Variants in EFR3A observed in about 807,000 individuals in gnomAD.
EFR3A encodes the protein EFR3 homolog A.
Under a neutral mutation model 104.4 loss-of-function variants are expected in EFR3A, and 76 were observed. That is an observed-to-expected ratio of 0.73 (90% confidence interval 0.60 to 0.88). The LOEUF is 0.88. Among genes scored for constraint, EFR3A ranks in the 40% least tolerant of loss-of-function variants. The pLI is 0.00. For missense variants in EFR3A, 985 were observed against 1,012.5 expected (o/e 0.97, Z 0.37); for synonymous variants, 330 against 330.0 (o/e 1.00, Z 0.00).
intron 1 of EFR3A, among the ~76,000 whole-genome samples, chr8:131,915,090 A>C (rs886650365): frequency 6.6e-6 from 1 of 152,008 alleles, no homozygotes; most frequent in African/African-American, 2.4e-5. Context: ...TGTCTTTGCT[A>C]TTGTGAATAG....
intron 1 of EFR3A, among the ~76,000 whole-genome samples, chr8:131,938,539 C>CA (rs1294553153): frequency 6.6e-6 from 1 of 151,908 alleles, no homozygotes; most frequent in Admixed American, 6.6e-5. Context: ...AGTAAGTGGT[C>CA]AAAAAGGTAT....
At chr8:131,922,278 G>T (rs1033356100) in intron 1 of EFR3A, among the ~76,000 whole-genome samples, 2 of 151,920 alleles carry the variant, frequency 1.3e-5, no homozygotes, top group African/African-American at 4.8e-5. Flanking sequence ...ACCCCATTTC[G>T]AAATAAAGTC....
chr8:131,978,919 C>A lies in EFR3A; in HGVS notation c.1399C>A (p.Pro467Thr). 1 of 1,612,952 alleles carries A rather than the reference C, an allele frequency of 6.2e-7. No individual in the cohort carries two copies. The highest frequency in any genetic ancestry group is 8.5e-7 in the Non-Finnish European group (1 of 1,179,240). Residue 467 changes from proline (P) to threonine (T), a missense_variant, in exon 13 of 23, where the codon CCA (proline) becomes ACA (threonine). Transcript: ENST00000254624. ...PGSFLDPLLSPSLMEDYELRQ... is the reference protein window; with the variant it reads ...PGSFLDPLLSTSLMEDYELRQ... ...GTCTTTCCTGGATCCTTTGTTATCACCATCTCTCATGGAGGACTACGAACT... is the reference window on the plus strand; with the variant it reads ...GTCTTTCCTGGATCCTTTGTTATCAACATCTCTCATGGAGGACTACGAACT...
chr8:131,945,576 G>C (rs1009576105), intron 3 of EFR3A, among the ~76,000 whole-genome samples: 1 of 151,964 alleles, frequency 6.6e-6, no homozygotes, highest in Non-Finnish European at 1.5e-5. Context: ...GGCACACATA[G>C]CTTTATGGTT....
At chr8:131,969,935 G>A (rs1409661188) in intron 9 of EFR3A, among the ~76,000 whole-genome samples, 1 of 152,134 alleles carries the variant, frequency 6.6e-6, no homozygotes, top group Non-Finnish European at 1.5e-5. Context: ...GTGGACAGAA[G>A]CAGTGATAGA....
chr8:131,963,867 T>C (rs1335203443), intron 8 of EFR3A, among the ~76,000 whole-genome samples: 2 of 152,180 alleles, frequency 1.3e-5, no homozygotes, highest in African/African-American at 4.8e-5. Context: ...AGAAAGCTTA[T>C]CCACCATGAT....
chr8:131,999,391 G>A (rs1821672143), intron 19 of EFR3A, among the ~76,000 whole-genome samples: 2 of 152,114 alleles, frequency 1.3e-5, no homozygotes, highest in Admixed American at 6.5e-5. Context: ...TAGTGACATA[G>A]CAACTACTAT....
chr8:131,926,325 A>G lies in EFR3A; in HGVS notation c.11-14174A>G, dbSNP rs577768392. ...TTTGTAAACATCTGTGATGTACTATATAGTTAAAATTAACAGACTGAAATT... is the reference window on the plus strand; with the variant it reads ...TTTGTAAACATCTGTGATGTACTATGTAGTTAAAATTAACAGACTGAAATT... On this transcript the variant is annotated intron_variant, in intron 1 of 22. Transcript: ENST00000254624. Among the ~76,000 whole-genome samples, 119 of 152,310 alleles carry G rather than the reference A, an allele frequency of 7.8e-4. 1 individual carries two copies. The highest frequency in any genetic ancestry group is 1.8e-3 in the Admixed American group (28 of 15,290).
rs1008612373 is a variant in EFR3A at position 131,904,099 on chromosome 8, C to T, written c.-214C>T. On this transcript the variant is annotated 5_prime_UTR_variant, in exon 1 of 23. Transcript: ENST00000254624. ...GACGTAACGGGCGTGGGTCGTCCGTCGCGCCGCCCGGCGAGGAGTGGGCTG... is the reference window on the plus strand; with the variant it reads ...GACGTAACGGGCGTGGGTCGTCCGTTGCGCCGCCCGGCGAGGAGTGGGCTG... The T allele has an allele frequency of 2.7e-4, 122 of 458,538 alleles. 1 individual carries two copies. The highest frequency in any genetic ancestry group is 6.2e-4 in the Middle Eastern group (1 of 1,604). 28.4% of individuals were successfully genotyped at this position (458,538 alleles called of 1,614,324 possible).
intron 1 of EFR3A, among the ~76,000 whole-genome samples, chr8:131,910,447 T>TA (rs759081154): frequency 2.6e-5 from 4 of 152,126 alleles, no homozygotes; most frequent in Non-Finnish European, 5.9e-5. Context: ...AATTGTTTTG[T>TA]ATTTGAGTAG....
intron 1 of EFR3A, among the ~76,000 whole-genome samples, chr8:131,928,473 A>T (rs1441437698): frequency 6.6e-6 from 1 of 152,170 alleles, no homozygotes; most frequent in East Asian, 1.9e-4. Flanking sequence ...TGTATTTTAG[A>T]TAGCAGACTT....
intron 22 of EFR3A, among the ~76,000 whole-genome samples, chr8:132,005,851 A>G (rs1822015948): frequency 6.6e-6 from 1 of 152,204 alleles, no homozygotes; most frequent in Admixed American, 6.5e-5. Context: ...CACAAAATAG[A>G]CAGATGTGGG....
intron 1 of EFR3A, among the ~76,000 whole-genome samples, chr8:131,937,236 C>T (rs892257007): frequency 1.3e-5 from 2 of 152,044 alleles, no homozygotes; most frequent in Non-Finnish European, 2.9e-5. Flanking sequence ...AAAATTTACT[C>T]ATAAAAAAAG....
Position 131,955,817 on chromosome 8 carries a change from CCTG to C in EFR3A, c.692_694del (p.Ala231del). On this transcript the variant is annotated inframe_deletion, in exon 7 of 23. Coordinates refer to ENST00000254624, the MANE Select transcript of EFR3A (RefSeq NM_015137.6). ...TTCTGCAACTGACAAAGAAGAGAATCCTGCTGTGCTGGCTGAAAACTGTTTCAG... is the reference window on the plus strand; with the variant it reads ...TTCTGCAACTGACAAAGAAGAGAATCCTGTGCTGGCTGAAAACTGTTTCAG... 1.2e-6 allele frequency: 2 copies of C among 1,613,508 alleles called. No homozygotes were observed. Among genetic ancestry groups the C allele is most frequent in the Non-Finnish European group, 1.7e-6 (2 of 1,179,558 alleles).
chr8:131,985,216 T>C (rs1468982993), intron 16 of EFR3A, among the ~76,000 whole-genome samples, 156 bp downstream of exon 16: 2 of 152,222 alleles, frequency 1.3e-5, no homozygotes, highest in African/African-American at 4.8e-5. Flanking sequence ...GCTAAAACTG[T>C]AGCTACTGTT....
At chr8:131,947,902 AT>A (rs770605678) in intron 4 of EFR3A, among the ~76,000 whole-genome samples, 1 of 152,060 alleles carries the variant, frequency 6.6e-6, no homozygotes, top group African/African-American at 2.4e-5. Flanking sequence ...CTTCTGAACT[AT>A]TTCTGCTCAC....
rs1272287856 is a variant in EFR3A, at chr8:132,012,744, A to T, written c.*1849A>T. 1 of 152,344 alleles carries T rather than the reference A, an allele frequency of 6.6e-6. No homozygotes were observed. 9.4% of individuals were successfully genotyped at this position (152,344 alleles called of 1,614,324 possible). A position where few individuals can be genotyped will look rare whatever the true frequency, so the allele number is the denominator to read the frequency against. On this transcript the variant is annotated 3_prime_UTR_variant, in exon 23 of 23. Transcript: ENST00000254624. The stretch of plus-strand genomic sequence containing the variant: ...ACACTGTGTGCTTTTGTATGGAAAA[A>T]ATATATATAATTTAATAGTATAAAA...
At position 131,935,593 on chromosome 8, in the gene EFR3A, G is replaced by A. The variant is rs566605190; in HGVS notation, c.11-4906G>A. On this transcript the variant is annotated intron_variant, in intron 1 of 22. Transcript: ENST00000254624. Reference sequence around the variant, plus strand: ...AAATGAGAGAATTGCTACATAGAAGGTGTAGATACTATTATTGTATGCTTT... The same window carrying A: ...AAATGAGAGAATTGCTACATAGAAGATGTAGATACTATTATTGTATGCTTT... 7.0e-5 allele frequency: 27 copies of A among 386,732 alleles called. No individual in the cohort carries two copies. The East Asian group carries it at 1.5e-3, about 21-fold the overall frequency. 24.0% of individuals were successfully genotyped at this position (386,732 alleles called of 1,614,324 possible).
At chr8:131,949,917 G>C in intron 4 of EFR3A, 52 bp from the exon 5 acceptor site, 5 of 1,453,642 alleles carry the variant, frequency 3.4e-6, no homozygotes, top group East Asian at 2.4e-5. Context: ...AAATGTATTT[G>C]GTTCACACTT....
Sources: allele counts gnomAD v4.1 joint callset (sites outside exome capture counted in the v4.1 genomes callset), GRCh38; gene constraint gnomAD v4.1.1; transcripts MANE v1.5; gene names NCBI Gene and HGNC (gene_info 2026-07-23, HGNC 2026-07-21).